The following NIBAN1 variants were observed in gnomAD, a reference collection of about 807,000 sequenced individuals.
NIBAN1 encodes the protein protein Niban 1.
NIBAN1 carries 81 observed loss-of-function variants against 75.1 expected under a neutral mutation model. The observed-to-expected ratio is 1.08, with a 90% confidence interval of 0.90 to 1.30. The LOEUF is 1.30. Among genes scored for constraint, NIBAN1 ranks in the 50% most tolerant of loss-of-function variants. The probability of loss-of-function intolerance (pLI) is 0.00; values close to 1 mark genes in which losing one functional copy is unlikely to be tolerated. For missense variants in NIBAN1, 1,133 were observed against 1,128.1 expected, an observed-to-expected ratio of 1.00 and a Z score of -0.06; for synonymous variants, 436 against 424.8, an observed-to-expected ratio of 1.03 and a Z score of -0.32.
In NIBAN1 at chr1:184,818,772, G is replaced by C. The variant is rs144571721; in HGVS notation, c.1039C>G (p.Leu347Val). 134 of 1,612,370 alleles carry C rather than the reference G, an allele frequency of 8.3e-5. 1 individual carries two copies. In the African/African-American group the frequency reaches 1.6e-3, roughly 19 times the overall value. The stretch of plus-strand genomic sequence containing the variant: ...ATGAGCTCCTCCAGGATGGATGCCA[G>C]GAATGGCTGCACACTCTCCAAGCAG... ...KSCLESVQPFLASILEELMGP... is the reference protein window; with the variant it reads ...KSCLESVQPFVASILEELMGP... The change falls in exon 9 of 14, where the codon CTG (leucine) becomes GTG (valine). Residue 347 changes from leucine (L) to valine (V), a missense_variant. Transcript: ENST00000367511.
At chr1:184,949,134 A>G (rs1658298934) in intron 1 of NIBAN1, among the ~76,000 whole-genome samples, 1 of 152,112 alleles carries the variant, frequency 6.6e-6, no homozygotes, top group African/African-American at 2.4e-5. Flanking sequence ...CGGGCGGATC[A>G]TGAGGTCAGA....
chr1:184,903,719 T>C (rs866471712), intron 1 of NIBAN1, among the ~76,000 whole-genome samples: 76 of 148,598 alleles, frequency 5.1e-4, no homozygotes, highest in Middle Eastern at 3.6e-3. Context: ...CCAAGAACCA[T>C]GAGCCGATTA....
intron 1 of NIBAN1, among the ~76,000 whole-genome samples, chr1:184,916,222 T>C (rs1657379044): frequency 6.6e-6 from 1 of 152,192 alleles, no homozygotes; most frequent in South Asian, 2.1e-4. Flanking sequence ...CTGATCTGCA[T>C]AGTATAAATA....
chr1:184,833,268 C>T (rs1350074739), intron 5 of NIBAN1, among the ~76,000 whole-genome samples: 1 of 149,784 alleles, frequency 6.7e-6, no homozygotes, highest in Non-Finnish European at 1.5e-5. Context: ...GTAGATGACT[C>T]TTTTGAGATT....
At chr1:184,904,149 G>T (rs1029313205) in intron 1 of NIBAN1, among the ~76,000 whole-genome samples, 1 of 151,436 alleles carries the variant, frequency 6.6e-6, no homozygotes, top group Non-Finnish European at 1.5e-5. Context: ...ACCCGCCTCG[G>T]CCTCCCAAAG....
intron 5 of NIBAN1, 53 bp from the exon 6 acceptor site, chr1:184,832,015 C>T: frequency 1.5e-6 from 2 of 1,305,732 alleles, no homozygotes; most frequent in Non-Finnish European, 2.2e-6. Context: ...TAGATTTCCC[C>T]ATAGCTCTTC....
chr1:184,843,421 G>A (rs947817568), intron 5 of NIBAN1, among the ~76,000 whole-genome samples: 3 of 151,918 alleles, frequency 2.0e-5, no homozygotes, highest in African/African-American at 7.3e-5. Context: ...TAAAAAGTAT[G>A]GATGGTGTCA....
chr1:184,974,390 G>T lies in NIBAN1; in HGVS notation c.-34C>A, dbSNP rs1659022322. ...GCTGCCTGTGCTGAGCGCGGAAACT[G>T]CCCGGTCCGCGCCCGCTGCTAGCTC... On this transcript the variant is annotated 5_prime_UTR_variant, in exon 1 of 14. Coordinates refer to ENST00000367511, the MANE Select transcript of NIBAN1 (RefSeq NM_052966.4). 13 of 1,540,626 alleles carry T rather than the reference G, an allele frequency of 8.4e-6. No homozygotes were observed. Among genetic ancestry groups the T allele is most frequent in the Non-Finnish European group, 1.1e-5 (13 of 1,148,896 alleles).
chr1:184,939,301 G>A (rs1658033689), intron 1 of NIBAN1, among the ~76,000 whole-genome samples: 1 of 152,172 alleles, frequency 6.6e-6, no homozygotes, highest in Non-Finnish European at 1.5e-5. Context: ...ACTGGAGGCA[G>A]AAACAAAGGT....
chr1:184,841,442 A>G (rs1307569507), intron 5 of NIBAN1, among the ~76,000 whole-genome samples: 2 of 152,250 alleles, frequency 1.3e-5, no homozygotes, highest in Non-Finnish European at 2.9e-5. Context: ...TCATCATTCC[A>G]TGGCTCTAGC....
chr1:184,870,077 C>T (rs1475280601), intron 5 of NIBAN1, among the ~76,000 whole-genome samples: 6 of 152,192 alleles, frequency 3.9e-5, no homozygotes, highest in Admixed American at 6.5e-5. Context: ...GATTCTAATT[C>T]GTAGGTCTGG....
intron 4 of NIBAN1, among the ~76,000 whole-genome samples, chr1:184,888,469 A>AGTTATCTC (rs1656587439): frequency 6.6e-6 from 1 of 152,212 alleles, no homozygotes; most frequent in South Asian, 2.1e-4. Context: ...TTTAGCCTCT[A>AGTTATCTC]GTTATCTCTC....
chr1:184,949,072 G>C (rs1051708165), intron 1 of NIBAN1, among the ~76,000 whole-genome samples: 4 of 152,124 alleles, frequency 2.6e-5, no homozygotes, highest in South Asian at 2.1e-4. Flanking sequence ...CATTTGGTGA[G>C]AGATTTTCTT....
intron 1 of NIBAN1, among the ~76,000 whole-genome samples, chr1:184,969,142 T>C (rs945941544): frequency 6.6e-6 from 1 of 152,254 alleles, no homozygotes; most frequent in Non-Finnish European, 1.5e-5. Flanking sequence ...TGGGAGTTCA[T>C]GTGGACAGCT....
rs1416168376 is a variant in NIBAN1, at chr1:184,827,406, C to G, written c.718-3664G>C. ...CCACTCTGGCATTCCCTACCATGGTCTGCCTTCCACAAGCAGAGTCTTAAG... is the reference window on the plus strand; with the variant it reads ...CCACTCTGGCATTCCCTACCATGGTGTGCCTTCCACAAGCAGAGTCTTAAG... On this transcript the variant is annotated intron_variant, in intron 6 of 13. Transcript: ENST00000367511. 2.6e-5 allele frequency among the ~76,000 whole-genome samples: 4 copies of G among 152,020 alleles called. No homozygotes were observed. The East Asian group carries it at 7.7e-4, about 29-fold the overall frequency.
chr1:184,883,341 T>C (rs932722000), intron 5 of NIBAN1, among the ~76,000 whole-genome samples: 1 of 152,138 alleles, frequency 6.6e-6, no homozygotes, highest in Non-Finnish European at 1.5e-5. Flanking sequence ...TGTTTATCCA[T>C]CCTCCCTGTT....
chr1:184,955,343 TTTCC>T, intron 1 of NIBAN1, among the ~76,000 whole-genome samples: 1 of 149,458 alleles, frequency 6.7e-6, no homozygotes, highest in African/African-American at 2.5e-5. Flanking sequence ...TTTCCTTTCC[TTTCC>T]TTTCCTTTCC....
chr1:184,951,858 G>T (rs1658366515), intron 1 of NIBAN1, among the ~76,000 whole-genome samples: 1 of 152,144 alleles, frequency 6.6e-6, no homozygotes, highest in African/African-American at 2.4e-5. Context: ...CTACCTTGCT[G>T]CCCTGTCTCT....
chr1:184,908,230 C>T (rs1657153221), intron 1 of NIBAN1, among the ~76,000 whole-genome samples: 1 of 152,144 alleles, frequency 6.6e-6, no homozygotes, highest in Non-Finnish European at 1.5e-5. Flanking sequence ...CAAAGCTTAG[C>T]CCATCAAAGG....
Sources: gnomAD v4.1 joint callset for allele counts (sites outside exome capture counted in the v4.1 genomes callset) on GRCh38, gnomAD v4.1.1 for gene constraint, MANE v1.5 for transcripts, NCBI Gene and HGNC (gene_info 2026-07-23, HGNC 2026-07-21) for gene names.